UBAP2: variants seen among roughly 807,000 people sequenced by gnomAD.
UBAP2 encodes the protein ubiquitin-associated protein 2.
Under a neutral mutation model 139.6 loss-of-function variants are expected in UBAP2, and 75 were observed. The ratio of observed to expected loss-of-function variants is 0.54; its 90% CI spans 0.45 to 0.65. UBAP2 has a LOEUF of 0.65. UBAP2 is among the 30% of genes least tolerant of loss of function. The pLI, the probability that UBAP2 is intolerant of heterozygous loss-of-function variation, is 0.00. For synonymous variants in UBAP2, 526 were observed against 526.2 expected (o/e 1.00, Z 0.01); for missense variants, 1,368 against 1,369.6 (o/e 1.00, Z 0.02).
intron 2 of UBAP2, among the ~76,000 whole-genome samples, chr9:34,013,152 C>CAAAAA (rs398010658): frequency 0.011 from 823 of 78,176 alleles, 36 homozygotes; most frequent in African/African-American, 0.039. Context: ...GACTCTAGCT[C>CAAAAA]AAAAAAAAAA....
At chr9:34,045,841 T>C (rs1229424204) in intron 1 of UBAP2, among the ~76,000 whole-genome samples, 3 of 152,186 alleles carry the variant, frequency 2.0e-5, no homozygotes, top group Non-Finnish European at 2.9e-5. Context: ...ACTTGATAGT[T>C]GGGGCAAAAT....
chr9:34,040,885 C>A (rs373554928), intron 1 of UBAP2, among the ~76,000 whole-genome samples: 3 of 152,124 alleles, frequency 2.0e-5, no homozygotes. Flanking sequence ...TGTGGTTCAG[C>A]TGACAAGCCT....
chr9:33,948,253 G>A, intron 13 of UBAP2, 121 bp downstream of exon 13: 1 of 802,850 alleles, frequency 1.2e-6, no homozygotes, highest in Non-Finnish European at 1.9e-6. Flanking sequence ...GAAACTGCAA[G>A]AGTTCTACTA....
intron 5 of UBAP2, among the ~76,000 whole-genome samples, 193 bp from the exon 6 acceptor site, chr9:33,987,030 G>A (rs72727389): frequency 5.1e-4 from 77 of 152,074 alleles, no homozygotes; most frequent in Non-Finnish European, 7.1e-4. Context: ...GCTTACACTT[G>A]TAATTCCAGC....
At chr9:34,007,225 G>A (rs1175675698) in intron 2 of UBAP2, among the ~76,000 whole-genome samples, 1 of 152,078 alleles carries the variant, frequency 6.6e-6, no homozygotes, top group African/African-American at 2.4e-5. Flanking sequence ...CAGGTGCAGT[G>A]ACTCACGCCT....
rs760519783 is a variant in UBAP2 at position 33,924,163 on chromosome 9, T to C, written c.2590+43A>G. 7 of 1,609,586 alleles carry C rather than the reference T, an allele frequency of 4.3e-6. No individual in the cohort carries two copies. In the East Asian group the frequency reaches 1.1e-4, roughly 26 times the overall value. The stretch of plus-strand genomic sequence containing the variant: ...GCTTCCCAGCTCCTGGAGTTCGCGC[T>C]AGGCCGGCCCCGGGCTACTCCTCAT... On this transcript the variant is annotated intron_variant, in intron 23 of 28. Coordinates refer to ENST00000379238, the MANE Select transcript of UBAP2 (RefSeq NM_001370062.2).
chr9:34,045,411 C>G (rs958275646), intron 1 of UBAP2, among the ~76,000 whole-genome samples: 6 of 151,052 alleles, frequency 4.0e-5, no homozygotes, highest in Non-Finnish European at 8.9e-5. Flanking sequence ...GAGTCTTGCT[C>G]CATCCAGGCT....
intron 10 of UBAP2, 27 bp from the exon 11 acceptor site, chr9:33,956,173 C>T (rs1300986603): frequency 6.3e-7 from 1 of 1,585,518 alleles, no homozygotes; most frequent in African/African-American, 1.3e-5. Context: ...AAAATTTAAT[C>T]TTATTCTACA....
intron 1 of UBAP2, among the ~76,000 whole-genome samples, chr9:34,024,019 G>A (rs1266224453): frequency 6.6e-6 from 1 of 151,716 alleles, no homozygotes; most frequent in Non-Finnish European, 1.5e-5. Context: ...ACTCCAGTCC[G>A]GGTGACAGAG....
intron 10 of UBAP2, among the ~76,000 whole-genome samples, chr9:33,957,131 G>T (rs1182139130): frequency 6.6e-6 from 1 of 151,754 alleles, no homozygotes; most frequent in East Asian, 1.9e-4. Flanking sequence ...TTGTAAAGGT[G>T]AAATAATCGA....
intron 9 of UBAP2, among the ~76,000 whole-genome samples, chr9:33,962,507 G>A (rs1265792200): frequency 2.6e-5 from 4 of 151,922 alleles, no homozygotes; most frequent in South Asian, 2.1e-4. Context: ...TTAGCCAGGC[G>A]TGGTGGCGTG....
chr9:33,936,454 A>AGGCTAATG (rs1317321601), intron 16 of UBAP2, among the ~76,000 whole-genome samples: 1 of 150,232 alleles, frequency 6.7e-6, no homozygotes, highest in Non-Finnish European at 1.5e-5. Flanking sequence ...CCACTACACC[A>AGGCTAATG]GGCTAATGTT....
intron 1 of UBAP2, among the ~76,000 whole-genome samples, chr9:34,022,884 T>C (rs72729329): frequency 0.079 from 11,989 of 152,246 alleles, 683 homozygotes; most frequent in Non-Finnish European, 0.12. Context: ...GTTCTGTTGA[T>C]TGGATTATCT....
intron 10 of UBAP2, among the ~76,000 whole-genome samples, chr9:33,959,923 C>T (rs1587566358): frequency 1.3e-5 from 2 of 152,148 alleles, no homozygotes; most frequent in Middle Eastern, 3.4e-3. Context: ...ATCAATCCTA[C>T]TTAACACCTG....
intron 16 of UBAP2, chr9:33,938,981 T>G: frequency 2.3e-6 from 1 of 441,876 alleles, no homozygotes; most frequent in Non-Finnish European, 4.5e-6. Flanking sequence ...GGGAGGATGA[T>G]CCATCCAAGA....
intron 2 of UBAP2, among the ~76,000 whole-genome samples, chr9:34,013,876 CAA>C (rs931938771): frequency 2.2e-5 from 3 of 134,818 alleles, no homozygotes; most frequent in African/African-American, 2.8e-5. Context: ...GGCTCCATCT[CAA>C]AAAAAAAAAG....
At chr9:33,988,829 C>G (rs1456724214) in intron 5 of UBAP2, 144 bp downstream of exon 5, 5 of 871,880 alleles carry the variant, frequency 5.7e-6, no homozygotes, top group Non-Finnish European at 8.9e-6. Flanking sequence ...TTCAGTCGTT[C>G]AGAATGTATG....
intron 16 of UBAP2, among the ~76,000 whole-genome samples, chr9:33,937,924 T>C (rs1212468390): frequency 6.6e-6 from 1 of 151,848 alleles, no homozygotes; most frequent in Non-Finnish European, 1.5e-5. Flanking sequence ...TCTCAAAAAA[T>C]AGATACATAT....
chr9:34,006,423 T>A (rs943418442), intron 2 of UBAP2, among the ~76,000 whole-genome samples: 2 of 152,130 alleles, frequency 1.3e-5, no homozygotes, highest in Non-Finnish European at 2.9e-5. Flanking sequence ...TTCACACCTG[T>A]AATTCCAGCA....
Sources: gnomAD v4.1 joint callset for allele counts (sites outside exome capture counted in the v4.1 genomes callset) on GRCh38, gnomAD v4.1.1 for gene constraint, MANE v1.5 for transcripts, NCBI Gene and HGNC (gene_info 2026-07-23, HGNC 2026-07-21) for gene names.